DCT: variants seen among roughly 807,000 people sequenced by gnomAD.
DCT encodes the protein dopachrome tautomerase, also known as L-dopachrome tautomerase.
In DCT, 47 loss-of-function variants were observed where a neutral mutation model predicts 53.0. The observed-to-expected ratio is 0.89, with a 90% CI of 0.70 to 1.13. The LOEUF is 1.13. DCT is among the 50% of genes most tolerant of loss of function. DCT has a pLI of 0.00. For synonymous variants in DCT, 244 were observed against 237.0 expected (o/e 1.03, Z -0.27); for missense variants, 669 against 637.4 (o/e 1.05, Z -0.53).
chr13:94,481,596 C>A (rs1261010698), upstream of DCT, among the ~76,000 whole-genome samples: 2 of 152,126 alleles, frequency 1.3e-5, no homozygotes, highest in Non-Finnish European at 2.9e-5. Context: ...GTCCTAGGAT[C>A]TCTTTTCTTT....
chr13:94,519,821 G>A, the DCT span, among the ~76,000 whole-genome samples: 1 of 152,194 alleles, frequency 6.6e-6, no homozygotes, highest in African/African-American at 2.4e-5. Context: ...CAGACAGGTA[G>A]TAGTAGAACC....
the DCT span, among the ~76,000 whole-genome samples, chr13:94,507,559 G>C: frequency 6.7e-6 from 1 of 148,996 alleles, no homozygotes; most frequent in African/African-American, 2.5e-5. Flanking sequence ...GGAATGCAGT[G>C]GCATGGTCTT....
chr13:94,506,596 G>A, the DCT span, among the ~76,000 whole-genome samples: 1 of 152,038 alleles, frequency 6.6e-6, no homozygotes, highest in Non-Finnish European at 1.5e-5. Context: ...AGTAAATATA[G>A]AAAGAATGAT....
chr13:94,537,199 TGTTA>T, the DCT span, among the ~76,000 whole-genome samples: 10 of 152,248 alleles, frequency 6.6e-5, no homozygotes, highest in Non-Finnish European at 1.5e-5. Flanking sequence ...TGTGCCAGAC[TGTTA>T]GTTTCTTTAA....
intron 6 of DCT, among the ~76,000 whole-genome samples, chr13:94,447,236 C>T (rs903464303): frequency 6.6e-6 from 1 of 152,220 alleles, no homozygotes; most frequent in South Asian, 2.1e-4. Flanking sequence ...GACTGGTTTT[C>T]GAGGAAGACA....
At chr13:94,460,302 T>C in intron 5 of DCT, 76 bp from the exon 6 acceptor site, 4 of 1,377,418 alleles carry the variant, frequency 2.9e-6, no homozygotes, top group Non-Finnish European at 4.0e-6. Context: ...TCAGCCTAGA[T>C]AATAGTTGTC....
In DCT at chr13:94,468,933, C is replaced by T. The variant is rs1386631095; in HGVS notation, c.408G>A (p.Gln136=). The T allele has an allele frequency of 1.9e-6, 3 of 1,614,050 alleles. No individual in the cohort carries two copies. Among genetic ancestry groups the T allele is most frequent in the Middle Eastern group, 1.6e-4 (1 of 6,084 alleles). Residue 136 remains glutamine (Q), a synonymous_variant, in exon 2 of 8, where the codon CAG becomes CAA. Coordinates refer to ENST00000377028, the MANE Select transcript of DCT (RefSeq NM_001922.5). ...AGGCGCCCAAGAACTGCTCTCTTTC[C>T]TGAGGACTCAAGGAATGGATGTTCT... ...IRQNIHSLSP[Q]EREQFLGALD...
chr13:94,539,995 G>A, the DCT span, among the ~76,000 whole-genome samples: 2 of 152,090 alleles, frequency 1.3e-5, no homozygotes, highest in African/African-American at 2.4e-5. Flanking sequence ...TACACTAAAA[G>A]CCAGTAACAA....
intron 6 of DCT, among the ~76,000 whole-genome samples, chr13:94,456,122 G>T (rs1883399198): frequency 6.6e-6 from 1 of 152,220 alleles, no homozygotes. Context: ...CGCTGTGGCG[G>T]CGTCACAGAT....
upstream of DCT, chr13:94,479,732 C>G (rs377568953): frequency 1.3e-4 from 20 of 156,642 alleles, no homozygotes; most frequent in African/African-American, 4.3e-4. Context: ...TGCCAAGCCA[C>G]GGGGCCTTGG....
At chr13:94,535,454 C>T in the DCT span, among the ~76,000 whole-genome samples, 1 of 152,198 alleles carries the variant, frequency 6.6e-6, no homozygotes, top group Non-Finnish European at 1.5e-5. Flanking sequence ...GAATGAGGCT[C>T]TGCCAGAAAC....
chr13:94,545,727 C>T, the DCT span, among the ~76,000 whole-genome samples: 11 of 152,090 alleles, frequency 7.2e-5, no homozygotes, highest in Non-Finnish European at 1.5e-5. Context: ...AATAAACAGC[C>T]TTTGCTTTCT....
rs746619014 is a variant in DCT, at chr13:94,479,052, T to C, written c.204A>G (p.Thr68=). ...RGQCTEVRAD[T]RPWSGPYILR... Reference sequence around the variant, plus strand: ...GGATGTAGGGACCACTCCAGGGCCTTGTGTCGGCTCGCACCTCTGTGCACT... The same window carrying C: ...GGATGTAGGGACCACTCCAGGGCCTCGTGTCGGCTCGCACCTCTGTGCACT... Residue 68 remains threonine (T), a synonymous_variant, in exon 1 of 8, where the codon ACA becomes ACG. Coordinates refer to ENST00000377028, the MANE Select transcript of DCT (RefSeq NM_001922.5). The C allele has an allele frequency of 1.9e-6, 3 of 1,614,236 alleles. No homozygotes were observed. The highest frequency in any genetic ancestry group is 2.5e-6 in the Non-Finnish European group (3 of 1,180,032).
chr13:94,462,514 A>T (rs547039590), intron 4 of DCT, among the ~76,000 whole-genome samples: 1 of 151,612 alleles, frequency 6.6e-6, no homozygotes, highest in African/African-American at 2.4e-5. Flanking sequence ...AAAAAAAAAA[A>T]TCCCCCAAAA....
At chr13:94,461,292 C>T (rs11616807) in intron 5 of DCT, among the ~76,000 whole-genome samples, 23,356 of 152,128 alleles carry the variant, frequency 0.15, 2,030 homozygotes, top group Non-Finnish European at 0.2. Context: ...GGGCATGAAA[C>T]ATGTGTTTTT....
chr13:94,484,864 T>C, the DCT span, among the ~76,000 whole-genome samples: 5 of 152,176 alleles, frequency 3.3e-5, no homozygotes, highest in Non-Finnish European at 5.9e-5. Flanking sequence ...TGTAGGAATT[T>C]TGGGGAGGAT....
chr13:94,513,201 T>C, the DCT span, among the ~76,000 whole-genome samples: 1 of 152,236 alleles, frequency 6.6e-6, no homozygotes, highest in Non-Finnish European at 1.5e-5. Flanking sequence ...GCGACAGCTC[T>C]GTCAGAGATA....
chr13:94,500,901 C>CTA, the DCT span, among the ~76,000 whole-genome samples: 2 of 152,322 alleles, frequency 1.3e-5, no homozygotes, highest in East Asian at 3.9e-4. Flanking sequence ...GTGACAACCC[C>CTA]ATTAACATTT....
At chr13:94,449,697 G>C (rs563509103) in intron 6 of DCT, among the ~76,000 whole-genome samples, 1 of 152,154 alleles carries the variant, frequency 6.6e-6, no homozygotes, top group Admixed American at 6.5e-5. Flanking sequence ...AATTCCTAAT[G>C]GTCATTCCTA....
Sources: gnomAD v4.1 joint callset for allele counts (sites outside exome capture counted in the v4.1 genomes callset) on GRCh38, gnomAD v4.1.1 for gene constraint, MANE v1.5 for transcripts, NCBI Gene and HGNC (gene_info 2026-07-23, HGNC 2026-07-21) for gene names.